The following WWOX variants were observed in gnomAD, a reference collection of about 807,000 sequenced individuals.
WWOX encodes the protein WW domain-containing oxidoreductase.
WWOX carries 69 observed loss-of-function variants against 46.2 expected under a neutral mutation model. The observed-to-expected ratio is 1.49, with a 90% CI of 1.23 to 1.82. The LOEUF is 1.82. WWOX is among the 40% of genes most tolerant of loss of function. WWOX has a pLI of 0.00. For synonymous variants in WWOX, 359 were observed against 202.6 expected (o/e 1.77, Z -6.56); for missense variants, 919 against 542.6 (o/e 1.69, Z -6.89).
intron 8 of WWOX, among the ~76,000 whole-genome samples, chr16:78,863,406 G>C (rs1487724566): frequency 6.6e-6 from 1 of 152,174 alleles, no homozygotes; most frequent in Non-Finnish European, 1.5e-5. Context: ...GAGTATCTTA[G>C]AATCTTCTGA....
chr16:79,194,067 GTGTGTGTGTGTC>G (rs1188976870), intron 8 of WWOX, among the ~76,000 whole-genome samples: 2 of 152,040 alleles, frequency 1.3e-5, no homozygotes, highest in Non-Finnish European at 2.9e-5. Context: ...TGAAGATTCT[GTGTGTGTGTGTC>G]TGTGTGTGTG....
intron 8 of WWOX, among the ~76,000 whole-genome samples, chr16:78,821,407 A>G (rs535174695): frequency 8.7e-4 from 133 of 152,278 alleles, no homozygotes; most frequent in African/African-American, 3.1e-3. Flanking sequence ...CCTGCTCACC[A>G]CATGGCTTCT....
intron 8 of WWOX, among the ~76,000 whole-genome samples, chr16:78,797,994 CAAAAGCAAAGTCTACTA>C (rs2050788709): frequency 6.6e-6 from 1 of 152,134 alleles, no homozygotes; most frequent in African/African-American, 2.4e-5. Flanking sequence ...TCTCTAAAAA[CAAAAGCAAAGTCTACTA>C]AAAATTCACT....
At chr16:78,144,448 C>CGTATATATAGATATATATATATAT (rs71380475) in intron 4 of WWOX, among the ~76,000 whole-genome samples, 1 of 17,580 alleles carries the variant, frequency 5.7e-5, no homozygotes, top group Non-Finnish European at 1.2e-4. Flanking sequence ...TATATATATA[C>CGTATATATAGATATATATATATAT]ACATATATAT....
At chr16:78,277,995 T>A (rs1038116981) in intron 5 of WWOX, among the ~76,000 whole-genome samples, 18 of 152,298 alleles carry the variant, frequency 1.2e-4, no homozygotes, top group African/African-American at 4.3e-4. Context: ...AAGGTGATGA[T>A]CTTATGAAGT....
At chr16:79,037,675 G>C (rs923652350) in intron 8 of WWOX, among the ~76,000 whole-genome samples, 4 of 152,174 alleles carry the variant, frequency 2.6e-5, no homozygotes. Flanking sequence ...TTAGTGAAAG[G>C]TTATTAAATA....
chr16:78,585,533 C>G (rs1445697031), intron 8 of WWOX, among the ~76,000 whole-genome samples: 1 of 152,168 alleles, frequency 6.6e-6, no homozygotes, highest in African/African-American at 2.4e-5. Flanking sequence ...CAGAGGGTCC[C>G]TCGGTATTGT....
chr16:78,592,156 G>C (rs112834720), intron 8 of WWOX, among the ~76,000 whole-genome samples: 7 of 152,252 alleles, frequency 4.6e-5, no homozygotes, highest in African/African-American at 7.2e-5. Context: ...AGAACAGCAT[G>C]GTACAAAAAA....
chr16:78,635,099 G>T (rs917694750), intron 8 of WWOX, among the ~76,000 whole-genome samples: 2 of 152,028 alleles, frequency 1.3e-5, no homozygotes, highest in Non-Finnish European at 2.9e-5. Context: ...ATGTGATTAC[G>T]CCAGGAAGTC....
intron 5 of WWOX, among the ~76,000 whole-genome samples, chr16:78,361,408 G>A (rs1367146227): frequency 6.6e-6 from 1 of 152,070 alleles, no homozygotes; most frequent in Non-Finnish European, 1.5e-5. Flanking sequence ...ATAATTATTT[G>A]AAGGGAGATG....
chr16:78,926,908 C>T (rs556300628), intron 8 of WWOX, among the ~76,000 whole-genome samples: 5 of 152,088 alleles, frequency 3.3e-5, no homozygotes, highest in Non-Finnish European at 7.4e-5. Flanking sequence ...GTGATCCTCC[C>T]ACCTCAGCTT....
chr16:78,825,741 T>A, intron 8 of WWOX: 1 of 584,288 alleles, frequency 1.7e-6, no homozygotes, highest in South Asian at 1.7e-5. Flanking sequence ...GTGGATGGCC[T>A]GATGATCCCC....
In WWOX at chr16:79,183,985, C is replaced by T. The variant is rs558594797; in HGVS notation, c.1057-27623C>T. On this transcript the variant is annotated intron_variant, in intron 8 of 8. Transcript: ENST00000566780. ...TGCTTGCCTTTGCCCTTGTCACTTTCTCAACTCTCCTCACCTCTGTGACTG... is the reference window on the plus strand; with the variant it reads ...TGCTTGCCTTTGCCCTTGTCACTTTTTCAACTCTCCTCACCTCTGTGACTG... 4.5e-4 allele frequency among the ~76,000 whole-genome samples: 68 copies of T among 152,350 alleles called. 1 individual carries two copies. Among genetic ancestry groups the T allele is most frequent in the Non-Finnish European group, 7.5e-4 (51 of 68,038 alleles).
chr16:78,164,137 G>C, intron 4 of WWOX, 46 bp from the exon 5 acceptor site: 1 of 1,537,254 alleles, frequency 6.5e-7, no homozygotes, highest in Non-Finnish European at 9.0e-7. Flanking sequence ...ATGACTCACT[G>C]TGTTGATGTT....
intron 8 of WWOX, among the ~76,000 whole-genome samples, chr16:78,670,308 C>G (rs1011017039): frequency 2.0e-5 from 3 of 152,132 alleles, no homozygotes; most frequent in East Asian, 1.9e-4. Flanking sequence ...CTTTTCCGAC[C>G]CTCCCGTGAT....
At chr16:78,264,702 G>A (rs930479691) in intron 5 of WWOX, 2 of 152,208 alleles carry the variant, frequency 1.3e-5, no homozygotes, top group African/African-American at 4.8e-5. Flanking sequence ...TGGCTGCAAT[G>A]TTTGTTGATA....
chr16:78,485,725 G>C (rs542365117), intron 8 of WWOX, among the ~76,000 whole-genome samples: 1 of 152,354 alleles, frequency 6.6e-6, no homozygotes, highest in South Asian at 2.1e-4. Context: ...GCTGGCTCCA[G>C]ATGAAAGAAC....
At chr16:78,660,294 C>A (rs925384259) in intron 8 of WWOX, among the ~76,000 whole-genome samples, 1 of 152,162 alleles carries the variant, frequency 6.6e-6, no homozygotes, top group Non-Finnish European at 1.5e-5. Context: ...AATGCACTTC[C>A]GTACACTAAA....
intron 5 of WWOX, among the ~76,000 whole-genome samples, chr16:78,356,083 A>C (rs1567520619): frequency 1.2e-5 from 1 of 81,446 alleles, no homozygotes; most frequent in East Asian, 2.0e-4. Flanking sequence ...AAAAAAAAAA[A>C]AAAAAAAAAA....
Sources: gnomAD v4.1 joint callset for allele counts (sites outside exome capture counted in the v4.1 genomes callset) on GRCh38, gnomAD v4.1.1 for gene constraint, MANE v1.5 for transcripts, NCBI Gene and HGNC (gene_info 2026-07-23, HGNC 2026-07-21) for gene names.